RGS6: variants seen among roughly 807,000 people sequenced by gnomAD.
The protein encoded by RGS6 is regulator of G-protein signaling 6.
In RGS6, 30 loss-of-function variants were observed where a neutral mutation model predicts 78.5. The ratio of observed to expected loss-of-function variants is 0.38; its 90% CI spans 0.29 to 0.52. The LOEUF (loss-of-function observed/expected upper bound fraction) is 0.52, where lower values mean the gene tolerates loss of function less well. Among genes scored for constraint, RGS6 ranks in the 20% least tolerant of loss-of-function variants. The pLI is 0.85. For missense variants in RGS6, 495 were observed against 609.7 expected, an observed-to-expected ratio of 0.81 and a Z score of 1.98; for synonymous variants, 206 against 206.0, an observed-to-expected ratio of 1.00 and a Z score of 0.00.
chr14:72,401,260 C>T lies in RGS6; in HGVS notation c.184+49066C>T, dbSNP rs779182756. Among the ~76,000 whole-genome samples the T allele has an allele frequency of 6.6e-5, 10 of 152,034 alleles. No individual in the cohort carries two copies. The South Asian group carries it at 1.7e-3, about 25-fold the overall frequency. ...AAATATGTTAACTAAATTCTTTTTG[C>T]GTGCTTCATGTTGGATCAATTCTTA... On this transcript the variant is annotated intron_variant, in intron 3 of 17. Transcript: ENST00000553525.
chr14:72,114,843 A>G (rs1338961773), intron 2 of RGS6, among the ~76,000 whole-genome samples: 1 of 152,208 alleles, frequency 6.6e-6, no homozygotes, highest in Non-Finnish European at 1.5e-5. Context: ...CTTTTCACCA[A>G]ATGTCTGAGT....
At chr14:72,319,797 A>G (rs761656360) in intron 2 of RGS6, among the ~76,000 whole-genome samples, 4 of 152,212 alleles carry the variant, frequency 2.6e-5, no homozygotes, top group Non-Finnish European at 4.4e-5. Context: ...TAGAAAGAAA[A>G]TAGTATATTT....
At chr14:72,129,286 G>A (rs545724691) in intron 2 of RGS6, among the ~76,000 whole-genome samples, 1 of 152,276 alleles carries the variant, frequency 6.6e-6, no homozygotes, top group South Asian at 2.1e-4. Flanking sequence ...GAGAGCTCCC[G>A]GAAAGCAAGA....
chr14:71,896,453 C>T, the RGS6 span, among the ~76,000 whole-genome samples: 1 of 152,156 alleles, frequency 6.6e-6, no homozygotes, highest in African/African-American at 2.4e-5. Flanking sequence ...CCCGAAGTCA[C>T]TCTCGTCACC....
chr14:72,418,493 G>A (rs1035492817), intron 3 of RGS6, among the ~76,000 whole-genome samples: 13 of 152,116 alleles, frequency 8.5e-5, no homozygotes, highest in Non-Finnish European at 1.2e-4. Flanking sequence ...TCTTTACCAG[G>A]AAATAGGATT....
chr14:72,597,668 A>T, the RGS6 span, among the ~76,000 whole-genome samples: 64,061 of 151,994 alleles, frequency 0.42, 14,554 homozygotes, highest in East Asian at 0.75. Context: ...TACGATGTAC[A>T]GTGATTAGAT....
intron 2 of RGS6, among the ~76,000 whole-genome samples, chr14:72,340,250 C>T (rs946896244): frequency 2.0e-5 from 3 of 152,146 alleles, no homozygotes; most frequent in Non-Finnish European, 4.4e-5. Flanking sequence ...CTCTCATGTG[C>T]TCACTGGAGC....
At chr14:72,569,051 C>T (rs1022771379), downstream of RGS6, among the ~76,000 whole-genome samples, 2 of 152,026 alleles carry the variant, frequency 1.3e-5, no homozygotes, top group African/African-American at 2.4e-5. Flanking sequence ...TGCCTGTGAT[C>T]GCACCCTCAG....
intron 3 of RGS6, among the ~76,000 whole-genome samples, chr14:72,381,155 G>A (rs578147239): frequency 1.3e-5 from 2 of 152,066 alleles, no homozygotes; most frequent in African/African-American, 4.8e-5. Context: ...GAGGATACTA[G>A]AGGTTGAGAA....
intron 2 of RGS6, among the ~76,000 whole-genome samples, chr14:72,247,879 A>G (rs984045139): frequency 6.6e-6 from 1 of 152,304 alleles, no homozygotes; most frequent in Middle Eastern, 3.4e-3. Context: ...CAGCCCCTCA[A>G]CCTTGGACTT....
At chr14:71,906,083 C>T in the RGS6 span, among the ~76,000 whole-genome samples, 1 of 152,140 alleles carries the variant, frequency 6.6e-6, no homozygotes, top group Non-Finnish European at 1.5e-5. Flanking sequence ...CTGACCCTGC[C>T]GCAAAACATT....
intron 2 of RGS6, among the ~76,000 whole-genome samples, chr14:72,033,547 A>G (rs746069531): frequency 3.3e-5 from 5 of 151,964 alleles, no homozygotes; most frequent in Non-Finnish European, 7.4e-5. Flanking sequence ...TGCTTTGGTT[A>G]TTTACCCTCA....
chr14:72,533,621 T>A (rs1598807485), intron 15 of RGS6, among the ~76,000 whole-genome samples: 2 of 152,230 alleles, frequency 1.3e-5, no homozygotes, highest in South Asian at 2.1e-4. Context: ...AACATTTGTG[T>A]TTCGTGGAAA....
At chr14:72,003,901 A>G (rs1033982060) in intron 2 of RGS6, among the ~76,000 whole-genome samples, 3 of 152,202 alleles carry the variant, frequency 2.0e-5, no homozygotes, top group African/African-American at 7.2e-5. Flanking sequence ...GAGCTTGGAC[A>G]AATTCTCTCC....
At chr14:72,455,994 G>A (rs2095620046) in intron 4 of RGS6, among the ~76,000 whole-genome samples, 2 of 152,312 alleles carry the variant, frequency 1.3e-5, no homozygotes, top group African/African-American at 4.8e-5. Flanking sequence ...TTGGCGAGCA[G>A]TATGTGAGAA....
At chr14:72,426,095 AT>A (rs2094425271) in intron 3 of RGS6, among the ~76,000 whole-genome samples, 1 of 152,132 alleles carries the variant, frequency 6.6e-6, no homozygotes, top group Non-Finnish European at 1.5e-5. Context: ...TAATTATAAT[AT>A]TTATGTTAAT....
chr14:72,408,528 C>G lies in RGS6; in HGVS notation c.185-46000C>G, dbSNP rs565618035. ...CTGACTGTCATTGGGTTGATAAAAT[C>G]TGTCTTGTCCTCATTTTGTGTTGTG... On this transcript the variant is annotated intron_variant, in intron 3 of 17. Transcript: ENST00000553525. Among the ~76,000 whole-genome samples the G allele has an allele frequency of 5.3e-5, 8 of 152,270 alleles. No individual in the cohort carries two copies. In the East Asian group the frequency reaches 1.4e-3, roughly 26 times the overall value.
In RGS6 at chr14:72,540,081, TC is replaced by T; in HGVS notation, c.1410del (p.Phe470LeufsTer17). 6.3e-7 allele frequency: 1 copy of T among 1,590,518 alleles called. No homozygotes were observed. Among genetic ancestry groups the T allele is most frequent in the Non-Finnish European group, 8.5e-7 (1 of 1,177,528 alleles). On this transcript the variant is annotated frameshift_variant, in exon 17 of 18. Transcript: ENST00000553525. LOFTEE classifies it high-confidence loss of function. ...EQGRRTSLEKFTRSVGKSLAG... is the reference protein window; with the variant it reads ...EQGRRTSLEKXTRSVGKSLAG... The stretch of plus-strand genomic sequence containing the variant: ...GGTCGTAGAACTTCCCTAGAAAAGT[TC>T]ACTCGCAGTGTGGTAAGTTCAGTCG...
chr14:71,959,883 G>C (rs1032529567), intron 1 of RGS6, among the ~76,000 whole-genome samples: 2 of 152,138 alleles, frequency 1.3e-5, no homozygotes, highest in African/African-American at 4.8e-5. Flanking sequence ...TCATCTTCCA[G>C]GCAAGGAGCT....
Sources: gnomAD v4.1 joint callset for allele counts (sites outside exome capture counted in the v4.1 genomes callset) on GRCh38, gnomAD v4.1.1 for gene constraint, MANE v1.5 for transcripts, NCBI Gene and HGNC (gene_info 2026-07-23, HGNC 2026-07-21) for gene names.